Variants in DIPK1B observed in about 807,000 individuals in gnomAD.
The protein encoded by DIPK1B is divergent protein kinase domain 1B.
A neutral mutation model predicts 20.7 loss-of-function variants in DIPK1B; 17 were observed. The observed-to-expected ratio is 0.82, with a 90% CI of 0.56 to 1.23. The LOEUF (loss-of-function observed/expected upper bound fraction) is 1.23. Ranked by LOEUF, DIPK1B falls within the 50% of genes most tolerant of loss-of-function variation. The pLI, the probability that DIPK1B is intolerant of heterozygous loss-of-function variation, is 0.00. For synonymous variants in DIPK1B, 343 were observed against 276.5 expected (o/e 1.24, Z -2.39); for missense variants, 648 against 601.8 (o/e 1.08, Z -0.80).
Position 136,721,987 on chromosome 9 carries a change from G to A in DIPK1B, c.265G>A (p.Val89Met). 6.2e-7 allele frequency: 1 copy of A among 1,613,648 alleles called. No individual in the cohort carries two copies. The highest frequency in any genetic ancestry group is 8.5e-7 in the Non-Finnish European group (1 of 1,179,956). Residue 89 changes from valine to methionine, a missense_variant, in exon 3 of 5, where the codon GTG becomes ATG. By Grantham distance (21) the Val-to-Met change is conservative. Transcript: ENST00000371692. ...VCQDLCELHM[V>M]EWRTCLSVAP... ...CCAGGACCTGTGTGAGCTGCATATG[G>A]TGGAGTGGAGGACCTGCCTCTCGGT...
chr9:136,721,678 G>A, intron 2 of DIPK1B: 1 of 524,576 alleles, frequency 1.9e-6, no homozygotes, highest in South Asian at 2.1e-5. Context: ...TCCTGTTACA[G>A]GAGCCAGGAT....
At chr9:136,721,664 G>A (rs1846603290) in intron 2 of DIPK1B, 2 of 498,396 alleles carry the variant, frequency 4.0e-6, no homozygotes, top group Non-Finnish European at 7.4e-6. Flanking sequence ...CCTTTGCTGT[G>A]CCGTCCTGTT....
At chr9:136,721,840 C>T in intron 2 of DIPK1B, 81 bp from the exon 3 acceptor site, 1 of 1,307,810 alleles carries the variant, frequency 7.6e-7, no homozygotes, top group East Asian at 2.4e-5. Context: ...AGGCCCCTGC[C>T]AGCTTCGGGC....
chr9:136,722,439 A>G (rs1199132517), intron 4 of DIPK1B, 138 bp downstream of exon 4: 6 of 1,040,676 alleles, frequency 5.8e-6, no homozygotes, highest in Non-Finnish European at 8.2e-6. Flanking sequence ...CCCATCCCCC[A>G]GCCCCTGGGC....
chr9:136,722,083 G>A (rs750083850), intron 3 of DIPK1B, 42 bp from the exon 4 acceptor site: 3 of 1,613,404 alleles, frequency 1.9e-6, no homozygotes, highest in African/African-American at 1.3e-5. Flanking sequence ...CGTGCAGTGG[G>A]AGGGGGATGT....
chr9:136,717,531 C>T (rs1355593196), intron 1 of DIPK1B, 46 bp from the exon 2 acceptor site: 1 of 1,579,454 alleles, frequency 6.3e-7, no homozygotes, highest in Non-Finnish European at 8.5e-7. Context: ...CACCCTGAGC[C>T]TGGGTGCCCC....
chr9:136,712,833 C>A lies in DIPK1B; in HGVS notation c.63+105C>A. ...CGGAGCGGGGCCCCGGGTTCGGACA[C>A]GAAGGGTTCATGAGCCCGGGGTGGG... is the stretch of plus-strand genomic sequence containing the variant. On this transcript the variant is annotated intron_variant, in intron 1 of 4. Transcript: ENST00000371692. The surrounding 1 kb of genome is among the most constrained non-coding windows in gnomAD (Gnocchi z 5.6). 1.3e-6 allele frequency: 1 copy of A among 754,092 alleles called. No homozygotes were observed. The highest frequency in any genetic ancestry group is 1.8e-6 in the Non-Finnish European group (1 of 564,020). 46.7% of individuals were successfully genotyped at this position (754,092 alleles called of 1,614,324 possible). A position where few individuals can be genotyped will look rare whatever the true frequency, so the allele number is the denominator to read the frequency against.
chr9:136,723,064 T>C lies in DIPK1B; in HGVS notation c.586T>C (p.Ser196Pro). ...CCGGGTGTCCCTGGCGGAAGCCAAG[T>C]CCGTGTGGGCCCTGCTGCAGCGTAA... ...DNRVSLAEAK[S>P]VWALLQRNEF... Residue 196 changes from serine to proline, a missense_variant, in exon 5 of 5, where the codon TCC becomes CCC. Transcript: ENST00000371692. 8 of 1,613,556 alleles carry C rather than the reference T, an allele frequency of 5.0e-6. No homozygotes were observed. The highest frequency in any genetic ancestry group is 6.8e-6 in the Non-Finnish European group (8 of 1,180,024).
chr9:136,720,472 C>T (rs996744741), intron 2 of DIPK1B, among the ~76,000 whole-genome samples: 59 of 151,868 alleles, frequency 3.9e-4, no homozygotes, highest in Admixed American at 1.4e-3. Flanking sequence ...AGGAATTCTC[C>T]CCCCCCCAGA....
Position 136,724,049 on chromosome 9 carries a change from G to A in DIPK1B, c.*275G>A, listed in dbSNP as rs1254379486. Reference sequence around the variant, plus strand: ...CAGCTTTTATGTAATGCCCAGGGCTGAGCACCCTGAGCCCCCATCGATGCT... The same window carrying A: ...CAGCTTTTATGTAATGCCCAGGGCTAAGCACCCTGAGCCCCCATCGATGCT... On this transcript the variant is annotated 3_prime_UTR_variant, in exon 5 of 5. Coordinates refer to ENST00000371692, the MANE Select transcript of DIPK1B (RefSeq NM_152421.4). 1.8e-5 allele frequency: 8 copies of A among 450,274 alleles called. No homozygotes were observed. The highest frequency in any genetic ancestry group is 3.3e-5 in the Non-Finnish European group (8 of 245,600). 27.9% of individuals were successfully genotyped at this position (450,274 alleles called of 1,614,324 possible). A position where few individuals can be genotyped will look rare whatever the true frequency, so the allele number is the denominator to read the frequency against.
rs1365680639 is a variant in DIPK1B at position 136,723,265 on chromosome 9, T to G, written c.787T>G (p.Trp263Gly). The G allele has an allele frequency of 6.2e-7, 1 of 1,612,638 alleles. No homozygotes were observed. The highest frequency in any genetic ancestry group is 1.3e-5 in the African/African-American group (1 of 75,044). The change falls in exon 5 of 5, where the codon TGG becomes GGG. Residue 263 changes from tryptophan to glycine, a missense_variant. Coordinates refer to ENST00000371692, the MANE Select transcript of DIPK1B (RefSeq NM_152421.4). The stretch of plus-strand genomic sequence containing the variant: ...TGCCCTGCAGGGTGCTCTCCAGCAG[T>G]GGCTGGGGCCTGCGTGGCCTTGGCG... ...PPALQGALQQ[W>G]LGPAWPWRAK...
chr9:136,715,070 G>A (rs1250117529), intron 1 of DIPK1B, among the ~76,000 whole-genome samples: 4 of 152,248 alleles, frequency 2.6e-5, no homozygotes, highest in Non-Finnish European at 4.4e-5. Flanking sequence ...GTGGCCAGGC[G>A]CTGCCGGGAG....
In DIPK1B at chr9:136,712,793, G is replaced by A; in HGVS notation, c.63+65G>A. 2 of 1,172,842 alleles carry A rather than the reference G, an allele frequency of 1.7e-6. No homozygotes were observed. The highest frequency in any genetic ancestry group is 2.2e-6 in the Non-Finnish European group (2 of 923,518). 72.7% of individuals were successfully genotyped at this position (1,172,842 alleles called of 1,614,324 possible). ...CCTGGGGAGGCCGAGCTCCAGCCCC[G>A]GAGTGGGCCGAGTACGGAGCGGGGC... On this transcript the variant is annotated intron_variant, in intron 1 of 4. Transcript: ENST00000371692. The surrounding 1 kb of genome is among the most constrained non-coding windows in gnomAD (Gnocchi z 5.6).
At chr9:136,721,796 G>A in intron 2 of DIPK1B, 125 bp from the exon 3 acceptor site, 1 of 801,212 alleles carries the variant, frequency 1.2e-6, no homozygotes. Flanking sequence ...CTGCCTGTGT[G>A]AGGGGCTGGC....
At chr9:136,718,746 GGA>G (rs1446024742) in intron 2 of DIPK1B, among the ~76,000 whole-genome samples, 1 of 152,210 alleles carries the variant, frequency 6.6e-6, no homozygotes, top group Non-Finnish European at 1.5e-5. Flanking sequence ...CGTCAGATGG[GGA>G]GAGCACCTCT....
chr9:136,720,396 G>C (rs931485589), intron 2 of DIPK1B, among the ~76,000 whole-genome samples: 3 of 152,098 alleles, frequency 2.0e-5, no homozygotes, highest in Non-Finnish European at 2.9e-5. Flanking sequence ...GTGTTCCGCA[G>C]CTCCCTTCCC....
In DIPK1B at chr9:136,723,040, C is replaced by A. The variant is rs927881394; in HGVS notation, c.562C>A (p.Arg188=). 1 of 1,613,478 alleles carries A rather than the reference C, an allele frequency of 6.2e-7. No homozygotes were observed. The highest frequency in any genetic ancestry group is 1.1e-5 in the South Asian group (1 of 91,082). Residue 188 remains arginine, a synonymous_variant, in exon 5 of 5, where the codon CGG becomes AGG. Transcript: ENST00000371692. ...LLMADFNKDN[R]VSLAEAKSVW... The stretch of plus-strand genomic sequence containing the variant: ...CATGGCTGACTTCAACAAGGACAAC[C>A]GGGTGTCCCTGGCGGAAGCCAAGTC...
chr9:136,722,689 G>C, intron 4 of DIPK1B: 1 of 579,820 alleles, frequency 1.7e-6, no homozygotes, highest in South Asian at 2.2e-5. Flanking sequence ...AGGCTTCTCT[G>C]CCCAGGTGCC....
intron 1 of DIPK1B, among the ~76,000 whole-genome samples, chr9:136,715,368 C>T (rs914423905): frequency 6.6e-6 from 1 of 152,192 alleles, no homozygotes; most frequent in Non-Finnish European, 1.5e-5. Context: ...GGCCTGCACC[C>T]TAGAGCCGGT....
Sources: gnomAD v4.1 joint callset for allele counts (sites outside exome capture counted in the v4.1 genomes callset) on GRCh38, gnomAD v4.1.1 for gene constraint, Gnocchi (gnomAD v3.1) non-coding constraint, MANE v1.5 for transcripts, NCBI Gene and HGNC (gene_info 2026-07-23, HGNC 2026-07-21) for gene names.